The following SMPX variants were observed in gnomAD, a reference collection of about 807,000 sequenced individuals.
SMPX encodes the protein small muscular protein.
A neutral mutation model predicts 6.3 loss-of-function variants in SMPX; 2 were observed. The observed-to-expected ratio is 0.32, with a 90% confidence interval of 0.13 to 0.99. SMPX has a LOEUF of 0.99. Ranked by LOEUF, SMPX falls within the 50% of genes least tolerant of loss-of-function variation. The pLI is 0.49. For synonymous variants in SMPX, 32 were observed against 24.7 expected (o/e 1.30, Z -0.88); for missense variants, 60 against 66.8 (o/e 0.90, Z 0.36).
intron 4 of SMPX, among the ~76,000 whole-genome samples, chrX:21,731,813 T>A (rs2092805368): frequency 1.2e-5 from 1 of 80,717 alleles, no homozygotes; most frequent in African/African-American, 5.1e-5. Context: ...TACACATACA[T>A]AATGTATATA....
intron 4 of SMPX, among the ~76,000 whole-genome samples, chrX:21,715,303 T>TGTGTGTGTGTGTGC (rs1175730294): frequency 2.3e-5 from 2 of 86,074 alleles, no homozygotes; most frequent in African/African-American, 1.2e-4. Context: ...TGTGTGTGTG[T>TGTGTGTGTGTGTGC]GCGCGCACGC....
chrX:21,756,321 A>G (rs142244130), intron 1 of SMPX, among the ~76,000 whole-genome samples: 1,660 of 112,387 alleles, frequency 0.015, 24 homozygotes, highest in African/African-American at 0.051. Flanking sequence ...AACCAATTTT[A>G]TATTTTCAAT....
intron 4 of SMPX, among the ~76,000 whole-genome samples, chrX:21,725,425 C>A (rs2092795849): frequency 8.9e-6 from 1 of 112,449 alleles, no homozygotes; most frequent in African/African-American, 3.2e-5. Flanking sequence ...TTTGACTTTT[C>A]TTTGAGAGTA....
intron 4 of SMPX, among the ~76,000 whole-genome samples, chrX:21,729,205 T>C (rs992231669): frequency 3.5e-5 from 4 of 112,998 alleles, no homozygotes; most frequent in African/African-American, 1.3e-4. Context: ...ATATTGGCAA[T>C]TAATTACTTT....
chrX:21,746,941 C>G (rs1569309021), intron 2 of SMPX, among the ~76,000 whole-genome samples: 1 of 111,151 alleles, frequency 9.0e-6, no homozygotes, highest in Non-Finnish European at 1.9e-5. Context: ...GGTTTTTATT[C>G]CATTGGCCAG....
intron 3 of SMPX, among the ~76,000 whole-genome samples, chrX:21,738,347 C>A (rs2092812759): frequency 9.0e-6 from 1 of 111,425 alleles, no homozygotes; most frequent in African/African-American, 3.3e-5. Flanking sequence ...TTGGATCAAT[C>A]CCAAGAATGT....
intron 2 of SMPX, among the ~76,000 whole-genome samples, chrX:21,749,753 TGTCATCCTG>T (rs1170995836): frequency 1.8e-5 from 2 of 112,041 alleles, no homozygotes; most frequent in Non-Finnish European, 3.8e-5. Flanking sequence ...AAACTATTAT[TGTCATCCTG>T]ATAATAAACC....
At chrX:21,743,424 C>T (rs1569308473) in intron 3 of SMPX, among the ~76,000 whole-genome samples, 1 of 71,861 alleles carries the variant, frequency 1.4e-5, no homozygotes, top group Non-Finnish European at 2.4e-5. Flanking sequence ...CGTGCACACA[C>T]ACACACGCAT....
At chrX:21,743,671 T>C (rs1440203619) in intron 3 of SMPX, 79 bp downstream of exon 3, 1 of 843,027 alleles carries the variant, frequency 1.2e-6, no homozygotes, top group Admixed American at 2.2e-5. Context: ...AGCCAGCCCT[T>C]GCCTAGCCTC....
At chrX:21,711,978 A>G (rs1258479513) in intron 4 of SMPX, among the ~76,000 whole-genome samples, 1 of 111,770 alleles carries the variant, frequency 8.9e-6, no homozygotes, top group Non-Finnish European at 1.9e-5. Context: ...GCACATTCAC[A>G]CATATTGTCC....
chrX:21,742,938 A>G (rs1432598362), intron 3 of SMPX, among the ~76,000 whole-genome samples: 1 of 112,594 alleles, frequency 8.9e-6, no homozygotes, highest in African/African-American at 3.2e-5. Context: ...TCTTGTGCTA[A>G]TAAAATGTTC....
intron 4 of SMPX, among the ~76,000 whole-genome samples, chrX:21,717,835 G>A (rs185582495): frequency 1.8e-5 from 2 of 112,435 alleles, no homozygotes; most frequent in African/African-American, 6.5e-5. Context: ...ATGGGTAGGA[G>A]TTAGCCAGAT....
chrX:21,722,471 A>T (rs1222701767), intron 4 of SMPX, among the ~76,000 whole-genome samples: 1 of 112,016 alleles, frequency 8.9e-6, no homozygotes, highest in Admixed American at 9.5e-5. Context: ...CTGCATGTAA[A>T]TCTAGAACGA....
intron 4 of SMPX, 96 bp downstream of exon 4, chrX:21,737,453 G>T: frequency 2.5e-6 from 2 of 802,884 alleles, no homozygotes; most frequent in Non-Finnish European, 3.7e-6. Flanking sequence ...GGTATTTAAT[G>T]AACTCTTGTA....
At chrX:21,716,106 T>A (rs2092784836) in intron 4 of SMPX, among the ~76,000 whole-genome samples, 1 of 112,157 alleles carries the variant, frequency 8.9e-6, no homozygotes, top group African/African-American at 3.2e-5. Context: ...GGAGATCTGA[T>A]ATACCTGCCT....
chrX:21,713,475 T>G (rs1057409054), intron 4 of SMPX, among the ~76,000 whole-genome samples: 2 of 112,138 alleles, frequency 1.8e-5, no homozygotes, highest in South Asian at 7.5e-4. Flanking sequence ...GACTCACAGT[T>G]CCACATGGCT....
At chrX:21,752,791 A>T in intron 2 of SMPX, among the ~76,000 whole-genome samples, 1 of 111,763 alleles carries the variant, frequency 8.9e-6, no homozygotes. Flanking sequence ...TGCTGGGATT[A>T]CAGGCATGAA....
intron 3 of SMPX, among the ~76,000 whole-genome samples, chrX:21,743,421 A>G (rs1318527271): frequency 1.3e-5 from 1 of 76,078 alleles, no homozygotes; most frequent in Non-Finnish European, 2.3e-5. Flanking sequence ...ACACGTGCAC[A>G]CACACACACG....
At chrX:21,712,351 A>C (rs1331905890) in intron 4 of SMPX, among the ~76,000 whole-genome samples, 1 of 112,318 alleles carries the variant, frequency 8.9e-6, no homozygotes, top group Non-Finnish European at 1.9e-5. Context: ...CAAATCCTGC[A>C]CCTGAAATCC....
Sources: gnomAD v4.1 joint callset for allele counts (sites outside exome capture counted in the v4.1 genomes callset) on GRCh38, gnomAD v4.1.1 for gene constraint, MANE v1.5 for transcripts, NCBI Gene and HGNC (gene_info 2026-07-23, HGNC 2026-07-21) for gene names.